Variants in CACNA1B observed in about 807,000 individuals in gnomAD.
CACNA1B encodes the protein calcium voltage-gated channel subunit alpha1 B.
CACNA1B carries 70 observed loss-of-function variants against 247.2 expected under a neutral mutation model. The observed-to-expected ratio is 0.28, with a 90% CI of 0.23 to 0.35. The LOEUF (loss-of-function observed/expected upper bound fraction) is 0.35, where lower values mean the gene tolerates loss of function less well. Ranked by LOEUF, CACNA1B falls within the 10% of genes least tolerant of loss-of-function variation. The probability of loss-of-function intolerance (pLI) is 1.00; values close to 1 mark genes in which losing one functional copy is unlikely to be tolerated. For missense variants in CACNA1B, 2,367 were observed against 3,197.4 expected, an observed-to-expected ratio of 0.74 and a Z score of 6.26; for synonymous variants, 1,231 against 1,294.4, an observed-to-expected ratio of 0.95 and a Z score of 1.05.
At chr9:138,040,367 T>C (rs372935222) in intron 20 of CACNA1B, among the ~76,000 whole-genome samples, 32 of 152,010 alleles carry the variant, frequency 2.1e-4, no homozygotes, top group African/African-American at 7.3e-4. Flanking sequence ...TGTTTGGTGA[T>C]ATTGCTTGAG....
rs1321733747 is a variant in CACNA1B at position 137,913,064 on chromosome 9, A to T, written c.531-116A>T. 1 of 757,390 alleles carries T rather than the reference A, an allele frequency of 1.3e-6. No homozygotes were observed. Among genetic ancestry groups the T allele is most frequent in the Non-Finnish European group, 2.2e-6 (1 of 446,220 alleles). The allele number at this position is 757,390 out of a possible 1,614,324, so 46.9% of individuals were successfully genotyped here. ...CCCTGTGGTTGGACAGTGGGGACAC[A>T]GGAATGAAGGTGTCACTGCTCTTGG... is the stretch of plus-strand genomic sequence containing the variant. On this transcript the variant is annotated intron_variant, in intron 3 of 46. Coordinates refer to ENST00000371372, the MANE Select transcript of CACNA1B (RefSeq NM_000718.4). The surrounding 1 kb of genome is among the most constrained non-coding windows in gnomAD (Gnocchi z 5.2).
At chr9:138,053,135 C>T (rs1348365360) in intron 25 of CACNA1B, among the ~76,000 whole-genome samples, 1 of 152,210 alleles carries the variant, frequency 6.6e-6, no homozygotes, top group Non-Finnish European at 1.5e-5. Context: ...GCCCAAATTG[C>T]TTCCCTGATG....
At chr9:137,939,953 A>G (rs1383285575) in intron 6 of CACNA1B, among the ~76,000 whole-genome samples, 2 of 152,126 alleles carry the variant, frequency 1.3e-5, no homozygotes, top group Non-Finnish European at 2.9e-5. Context: ...ATAGCCCTAA[A>G]TACCTACATC....
At chr9:138,113,542 ACG>A (rs1349983736) in intron 40 of CACNA1B, among the ~76,000 whole-genome samples, 18 of 139,490 alleles carry the variant, frequency 1.3e-4, no homozygotes, top group East Asian at 4.7e-4. Flanking sequence ...CTTGTGGGAG[ACG>A]TGAGGGAGCG....
intron 3 of CACNA1B, among the ~76,000 whole-genome samples, chr9:137,908,731 C>T (rs1310062014): frequency 2.1e-5 from 3 of 141,610 alleles, no homozygotes; most frequent in Non-Finnish European, 3.1e-5. Flanking sequence ...CCTGGGTTCA[C>T]GCCATTCTCC....
chr9:138,016,565 G>A (rs552069725), intron 18 of CACNA1B, among the ~76,000 whole-genome samples: 2 of 152,342 alleles, frequency 1.3e-5, no homozygotes, highest in South Asian at 4.1e-4. Context: ...GGGAAGTCAG[G>A]TGGGTTCGGC....
At chr9:137,878,484 C>T (rs1460334667) in intron 1 of CACNA1B, among the ~76,000 whole-genome samples, 2 of 152,152 alleles carry the variant, frequency 1.3e-5, no homozygotes, top group Non-Finnish European at 2.9e-5. Flanking sequence ...GCACAGTGCG[C>T]GGCTAGCCTG....
intron 36 of CACNA1B, among the ~76,000 whole-genome samples, chr9:138,086,294 T>C (rs915155194): frequency 2.0e-5 from 3 of 151,164 alleles, no homozygotes; most frequent in African/African-American, 7.3e-5. Flanking sequence ...AAAAACATAC[T>C]CCACGTAAAC....
chr9:138,036,240 T>C (rs1490497974), intron 20 of CACNA1B, among the ~76,000 whole-genome samples: 1 of 152,046 alleles, frequency 6.6e-6, no homozygotes, highest in African/African-American at 2.4e-5. Context: ...CCTGAGTTCA[T>C]GCCATTCTCC....
chr9:137,974,871 G>C lies in CACNA1B; in HGVS notation c.1544-1036G>C, dbSNP rs1461706922. Reference sequence around the variant, plus strand: ...GGGCTCTGTTGCCTCCCTAGCCCCTGCTGACCTGGCAGAGCCATGGTGCCT... The same window carrying C: ...GGGCTCTGTTGCCTCCCTAGCCCCTCCTGACCTGGCAGAGCCATGGTGCCT... On this transcript the variant is annotated intron_variant, in intron 11 of 46. Coordinates refer to ENST00000371372, the MANE Select transcript of CACNA1B (RefSeq NM_000718.4). The surrounding 1 kb of genome is among the most constrained non-coding windows in gnomAD (Gnocchi z 4.5). Among the ~76,000 whole-genome samples the C allele has an allele frequency of 6.6e-6, 1 of 152,206 alleles. No homozygotes were observed. The highest frequency in any genetic ancestry group is 1.5e-5 in the Non-Finnish European group (1 of 68,034).
rs1956941016 is a variant in CACNA1B at position 137,882,657 on chromosome 9, G to A, written c.391-87G>A. 1 of 1,487,212 alleles carries A rather than the reference G, an allele frequency of 6.7e-7. No individual in the cohort carries two copies. The highest frequency in any genetic ancestry group is 9.3e-7 in the Non-Finnish European group (1 of 1,074,304). 92.1% of individuals were successfully genotyped at this position (1,487,212 alleles called of 1,614,324 possible). The stretch of plus-strand genomic sequence containing the variant: ...CTCACGATAGCTGTGGCCTGCACAT[G>A]GTGGGGTGGGGTCCTCACCAACCGT... On this transcript the variant is annotated intron_variant, in intron 2 of 46. Coordinates refer to ENST00000371372, the MANE Select transcript of CACNA1B (RefSeq NM_000718.4). This position sits in a 1 kb window ranked among gnomAD's most constrained non-coding sequence, Gnocchi z 4.0.
At chr9:137,893,518 GCA>G in intron 3 of CACNA1B, among the ~76,000 whole-genome samples, 1 of 151,742 alleles carries the variant, frequency 6.6e-6, no homozygotes, top group Admixed American at 6.6e-5. Flanking sequence ...GGGCAAGGTG[GCA>G]CGCGCCTGTA....
At chr9:138,005,658 G>A (rs140663080) in intron 15 of CACNA1B, among the ~76,000 whole-genome samples, 143 of 152,258 alleles carry the variant, frequency 9.4e-4, no homozygotes, top group African/African-American at 3.3e-3. Flanking sequence ...ATGGATATCC[G>A]AATACCCTAT....
intron 42 of CACNA1B, among the ~76,000 whole-genome samples, chr9:138,115,968 T>C (rs1192311675): frequency 6.6e-6 from 1 of 152,236 alleles, no homozygotes; most frequent in Non-Finnish European, 1.5e-5. Flanking sequence ...GGGCTCTTCC[T>C]TTGCTGGGTT....
chr9:138,060,869 C>T (rs1189405728), intron 31 of CACNA1B, among the ~76,000 whole-genome samples: 2 of 152,196 alleles, frequency 1.3e-5, no homozygotes, highest in African/African-American at 4.8e-5. Flanking sequence ...TCATCCCGTT[C>T]CCCCCACCCT....
chr9:138,095,478 A>G (rs1961024610), intron 36 of CACNA1B, among the ~76,000 whole-genome samples: 1 of 152,224 alleles, frequency 6.6e-6, no homozygotes, highest in South Asian at 2.1e-4. Context: ...AAGTGTCGAC[A>G]AGGATGTGGA....
intron 6 of CACNA1B, among the ~76,000 whole-genome samples, chr9:137,918,663 A>AGGTCCTGGGGAGAGACCGGGGCCCTT (rs1279889984): frequency 6.6e-6 from 1 of 152,170 alleles, no homozygotes; most frequent in Non-Finnish European, 1.5e-5. Context: ...GATGGTGGAC[A>AGGTCCTGGGGAGAGACCGGGGCCCTT]GGTCCTGGGG....
At chr9:137,884,248 G>A (rs1956970608) in intron 3 of CACNA1B, among the ~76,000 whole-genome samples, 2 of 152,258 alleles carry the variant, frequency 1.3e-5, no homozygotes, top group South Asian at 4.1e-4. Context: ...CCCCAGAGCT[G>A]TCTGTGATGT....
At chr9:138,110,102 G>GATATAT (rs34989754) in intron 39 of CACNA1B, among the ~76,000 whole-genome samples, 4 of 144,442 alleles carry the variant, frequency 2.8e-5, no homozygotes, top group Non-Finnish European at 6.1e-5. Context: ...TTTGCTATAT[G>GATATAT]ATATATATAT....
Sources: allele counts gnomAD v4.1 joint callset (sites outside exome capture counted in the v4.1 genomes callset), GRCh38; gene constraint gnomAD v4.1.1; non-coding constraint Gnocchi (gnomAD v3.1); transcripts MANE v1.5; gene names NCBI Gene and HGNC (gene_info 2026-07-23, HGNC 2026-07-21).